The following FAM234B variants were observed in gnomAD, a reference collection of about 807,000 sequenced individuals.
The protein encoded by FAM234B is protein FAM234B.
In FAM234B, 33 loss-of-function variants were observed where a neutral mutation model predicts 69.3. That is an observed-to-expected ratio of 0.48 (90% CI 0.36 to 0.64). The LOEUF is 0.64. Among genes scored for constraint, FAM234B ranks in the 30% least tolerant of loss-of-function variants. The pLI is 0.00. For synonymous variants in FAM234B, 306 were observed against 306.9 expected, an observed-to-expected ratio of 1.00 and a Z score of 0.03; for missense variants, 697 against 769.7, an observed-to-expected ratio of 0.91 and a Z score of 1.12.
At chr12:13,071,566 C>T (rs1036653871) in intron 10 of FAM234B, among the ~76,000 whole-genome samples, 170 bp downstream of exon 10, 2 of 152,184 alleles carry the variant, frequency 1.3e-5, no homozygotes, top group Non-Finnish European at 2.9e-5. Flanking sequence ...TCCTGAGCCA[C>T]ACCTTTGCCT....
chr12:13,072,853 A>G (rs1026517846), intron 10 of FAM234B, among the ~76,000 whole-genome samples: 1 of 152,136 alleles, frequency 6.6e-6, no homozygotes, highest in African/African-American at 2.4e-5. Context: ...TGGGCGTTTC[A>G]TCATGTCAAT....
At chr12:13,048,387 T>C (rs541476403) in intron 1 of FAM234B, among the ~76,000 whole-genome samples, 3 of 152,366 alleles carry the variant, frequency 2.0e-5, no homozygotes, top group East Asian at 1.9e-4. Flanking sequence ...TATTTCAGTA[T>C]TGATTCTTCT....
At chr12:13,051,800 G>A (rs1179587452) in intron 1 of FAM234B, among the ~76,000 whole-genome samples, 1 of 152,138 alleles carries the variant, frequency 6.6e-6, no homozygotes, top group Non-Finnish European at 1.5e-5. Context: ...GAGTGGGGGA[G>A]GGCACTGGGA....
At chr12:13,071,651 A>G (rs1865108445) in intron 10 of FAM234B, among the ~76,000 whole-genome samples, 1 of 152,114 alleles carries the variant, frequency 6.6e-6, no homozygotes, top group Non-Finnish European at 1.5e-5. Context: ...AATAAAGAAT[A>G]AAAAGTCCTC....
At chr12:13,076,765 T>C (rs1036817790) in intron 11 of FAM234B, among the ~76,000 whole-genome samples, 24 of 152,214 alleles carry the variant, frequency 1.6e-4, no homozygotes, top group African/African-American at 5.8e-4. Flanking sequence ...TGGGATCCTA[T>C]ATGGGAGACC....
chr12:13,066,838 G>A (rs1454862124), intron 6 of FAM234B, 51 bp downstream of exon 6: 4 of 1,579,256 alleles, frequency 2.5e-6, no homozygotes, highest in Non-Finnish European at 3.4e-6. Flanking sequence ...CATTTGTGAT[G>A]AGGCCTTCCT....
In FAM234B at chr12:13,059,903, A is replaced by T. The variant is rs142527685; in HGVS notation, c.532+1354A>T. Among the ~76,000 whole-genome samples, 114 of 152,340 alleles carry T rather than the reference A, an allele frequency of 7.5e-4. 1 individual carries two copies. The highest frequency in any genetic ancestry group is 2.6e-3 in the African/African-American group (110 of 41,586). On this transcript the variant is annotated intron_variant, in intron 3 of 12. Transcript: ENST00000197268. ...TGGTATCTTACGTAGTTTGCTTCAT[A>T]CCAAGACTCATAATGGCAAGGCCAT...
chr12:13,046,045 G>T (rs1317106986), intron 1 of FAM234B, among the ~76,000 whole-genome samples: 3 of 152,168 alleles, frequency 2.0e-5, no homozygotes, highest in African/African-American at 7.2e-5. Context: ...TGTTTGGCAG[G>T]CAGCTTGGCC....
intron 10 of FAM234B, among the ~76,000 whole-genome samples, chr12:13,074,855 A>G (rs1865143280): frequency 6.6e-6 from 1 of 152,142 alleles, no homozygotes; most frequent in Non-Finnish European, 1.5e-5. Context: ...CTTCCCATGC[A>G]GCGATATGGA....
At chr12:13,054,063 T>C (rs1452982710) in intron 1 of FAM234B, among the ~76,000 whole-genome samples, 2 of 152,208 alleles carry the variant, frequency 1.3e-5, no homozygotes, top group Admixed American at 1.3e-4. Context: ...ATCGCTGTTA[T>C]TCTGTTCTTT....
At position 13,079,958 on chromosome 12, in the gene FAM234B, G is replaced by C. The variant is rs760506089; in HGVS notation, c.1812G>C (p.Gly604=). 1.2e-6 allele frequency: 2 copies of C among 1,612,510 alleles called. No individual in the cohort carries two copies. Among genetic ancestry groups the C allele is most frequent in the Non-Finnish European group, 1.7e-6 (2 of 1,179,390 alleles). Residue 604 remains glycine (G), a synonymous_variant, in exon 12 of 13, where the codon GGG becomes GGC. Coordinates refer to ENST00000197268, the MANE Select transcript of FAM234B (RefSeq NM_020853.2). ...LQESTPKIGR[G]ELRRFLSRIK... ...AGTCCACCCCCAAAATTGGCCGTGGGGAGCTGCGAAGATTTCTCTCTAGGA... is the reference window on the plus strand; with the variant it reads ...AGTCCACCCCCAAAATTGGCCGTGGCGAGCTGCGAAGATTTCTCTCTAGGA...
At position 13,058,542 on chromosome 12, in the gene FAM234B, T is replaced by C. The variant is rs763282762; in HGVS notation, c.525T>C (p.Ser175=). The C allele has an allele frequency of 6.2e-7, 1 of 1,611,078 alleles. No individual in the cohort carries two copies. Among genetic ancestry groups the C allele is most frequent in the African/African-American group, 1.4e-5 (1 of 73,526 alleles). Residue 175 remains serine, a synonymous_variant, in exon 3 of 13, where the codon AGT becomes AGC. Coordinates refer to ENST00000197268, the MANE Select transcript of FAM234B (RefSeq NM_020853.2). ...CCTTTGTGATGTCAAGGAACGGGAG[T>C]GCAGTAGGTAAGAGACGTGTTTTTT... The part of the protein sequence containing the change: ...LLSFVMSRNG[S]AVGVSRPAAN...
chr12:13,048,306 C>A (rs1336023784), intron 1 of FAM234B, among the ~76,000 whole-genome samples: 1 of 152,164 alleles, frequency 6.6e-6, no homozygotes, highest in Admixed American at 6.5e-5. Flanking sequence ...TGACTTGATT[C>A]TTTTTCCTTT....
intron 11 of FAM234B, among the ~76,000 whole-genome samples, chr12:13,076,485 A>G (rs1015774255): frequency 2.0e-5 from 3 of 152,232 alleles, no homozygotes; most frequent in Non-Finnish European, 2.9e-5. Flanking sequence ...TGGGACTACA[A>G]ATAAGACTAG....
In FAM234B at chr12:13,067,778, C is replaced by A. The variant is rs1282406246; in HGVS notation, c.1142+482C>A. Among the ~76,000 whole-genome samples, 2 of 152,190 alleles carry A rather than the reference C, an allele frequency of 1.3e-5. No individual in the cohort carries two copies. The highest frequency in any genetic ancestry group is 2.9e-5 in the Non-Finnish European group (2 of 68,040). ...GGGATTTTACCCATTTAACCCCAAG[C>A]CTGGCTAATAATTGTTTCATTCTTT... On this transcript the variant is annotated intron_variant, in intron 7 of 12. Transcript: ENST00000197268. The surrounding 1 kb of genome is among the most constrained non-coding windows in gnomAD (Gnocchi z 4.7).
intron 9 of FAM234B, among the ~76,000 whole-genome samples, chr12:13,069,209 T>C (rs1865074740): frequency 6.6e-6 from 1 of 152,220 alleles, no homozygotes; most frequent in Non-Finnish European, 1.5e-5. Flanking sequence ...GGATAGAGCA[T>C]GTTCCAAGGA....
intron 2 of FAM234B, among the ~76,000 whole-genome samples, chr12:13,058,027 C>A (rs58841719): frequency 0.24 from 36,235 of 152,076 alleles, 5,258 homozygotes; most frequent in East Asian, 0.53. Context: ...TTATTATCTA[C>A]AACTTTCCTG....
chr12:13,064,449 C>T (rs1400255830), intron 5 of FAM234B, among the ~76,000 whole-genome samples: 3 of 152,150 alleles, frequency 2.0e-5, no homozygotes, highest in African/African-American at 4.8e-5. Flanking sequence ...CTAACCATCC[C>T]GTCTGGCCGC....
chr12:13,076,096 T>A lies in FAM234B; in HGVS notation c.1595T>A (p.Ile532Asn), dbSNP rs1231193654. 6.2e-7 allele frequency: 1 copy of A among 1,614,042 alleles called. No individual in the cohort carries two copies. The highest frequency in any genetic ancestry group is 1.3e-5 in the African/African-American group (1 of 74,914). ...LYLLHPAFPSILLDLANTTGT... is the reference protein window; with the variant it reads ...LYLLHPAFPSNLLDLANTTGT... ...CTCCTGCATCCTGCGTTCCCCTCCA[T>A]CCTTCTGGATCTGGCCAACACCACC... is the stretch of plus-strand genomic sequence containing the variant. The change falls in exon 11 of 13, where the codon ATC becomes AAC. Residue 532 changes from isoleucine (I) to asparagine (N), a missense_variant. Physicochemically the swap from Ile to Asn is moderately radical, Grantham distance 149 (BLOSUM62 -3). This residue lies in a region of FAM234B where 313 missense variants were observed against 305.5 expected (regional missense o/e 1.02). Transcript: ENST00000197268.
Sources: gnomAD v4.1 joint callset for allele counts (sites outside exome capture counted in the v4.1 genomes callset) on GRCh38, gnomAD v4.1.1 for gene constraint, gnomAD v4.1.1 regional missense constraint, Gnocchi (gnomAD v3.1) non-coding constraint, MANE v1.5 for transcripts, NCBI Gene and HGNC (gene_info 2026-07-23, HGNC 2026-07-21) for gene names.